Variants in BRINP3 observed in about 807,000 individuals in gnomAD.
BRINP3 encodes BMP/retinoic acid-inducible neural-specific protein 3.
In BRINP3, 19 loss-of-function variants were observed where a neutral mutation model predicts 71.0. The ratio of observed to expected loss-of-function variants is 0.27; its 90% CI spans 0.19 to 0.39. BRINP3 has a LOEUF of 0.39. Among genes scored for constraint, BRINP3 ranks in the 10% least tolerant of loss-of-function variants. The probability of loss-of-function intolerance (pLI) is 1.00; values close to 1 mark genes in which losing one functional copy is unlikely to be tolerated. For synonymous variants in BRINP3, 380 were observed against 337.7 expected, an observed-to-expected ratio of 1.13 and a Z score of -1.37; for missense variants, 959 against 940.8, an observed-to-expected ratio of 1.02 and a Z score of -0.25.
intron 3 of BRINP3, among the ~76,000 whole-genome samples, chr1:190,268,617 T>A (rs1272910863): frequency 6.6e-6 from 1 of 152,122 alleles, no homozygotes; most frequent in Non-Finnish European, 1.5e-5. Flanking sequence ...TTAAACTATG[T>A]TTATTTCGCA....
intron 7 of BRINP3, among the ~76,000 whole-genome samples, chr1:190,138,470 G>C: frequency 6.6e-6 from 1 of 152,164 alleles, no homozygotes; most frequent in East Asian, 1.9e-4. Context: ...TCAGAAAGCA[G>C]GTATGAGTCA....
At chr1:190,143,091 A>C (rs1407036448) in intron 7 of BRINP3, among the ~76,000 whole-genome samples, 1 of 152,202 alleles carries the variant, frequency 6.6e-6, no homozygotes. Flanking sequence ...AAAAAATTAA[A>C]ATGTTTTAAA....
intron 2 of BRINP3, among the ~76,000 whole-genome samples, chr1:190,326,343 A>G (rs2103065554): frequency 6.6e-6 from 1 of 152,264 alleles, no homozygotes; most frequent in African/African-American, 2.4e-5. Flanking sequence ...GAGAAAAAGC[A>G]TATTTGAATA....
At chr1:190,387,823 A>T (rs1207612885) in intron 2 of BRINP3, among the ~76,000 whole-genome samples, 1 of 151,680 alleles carries the variant, frequency 6.6e-6, no homozygotes, top group Non-Finnish European at 1.5e-5. Context: ...ATGACTCACA[A>T]ATTTATATCT....
chr1:190,416,565 T>G (rs1673015384), intron 2 of BRINP3, among the ~76,000 whole-genome samples: 1 of 152,190 alleles, frequency 6.6e-6, no homozygotes, highest in Non-Finnish European at 1.5e-5. Flanking sequence ...GCTTTTATAG[T>G]GTAGTAGGTG....
chr1:190,474,236 T>A (rs189592067), intron 1 of BRINP3, among the ~76,000 whole-genome samples: 5 of 152,332 alleles, frequency 3.3e-5, no homozygotes, highest in African/African-American at 1.2e-4. Context: ...TTAATGCATG[T>A]TAAACATCTA....
intron 2 of BRINP3, among the ~76,000 whole-genome samples, chr1:190,299,876 G>A (rs1265909520): frequency 5.3e-5 from 8 of 151,786 alleles, no homozygotes; most frequent in Non-Finnish European, 1.2e-4. Context: ...TTGAATATTG[G>A]CCCCACTCTC....
chr1:190,176,744 G>A (rs1042126400), intron 6 of BRINP3, among the ~76,000 whole-genome samples: 1 of 152,024 alleles, frequency 6.6e-6, no homozygotes, highest in African/African-American at 2.4e-5. Context: ...GGTTTTAAAT[G>A]AAGACCACAC....
At chr1:190,141,707 G>A (rs1655465629) in intron 7 of BRINP3, among the ~76,000 whole-genome samples, 1 of 151,476 alleles carries the variant, frequency 6.6e-6, no homozygotes. Context: ...TTACAGGCGT[G>A]TGCCATCATG....
At chr1:190,395,215 G>T (rs1671493611) in intron 2 of BRINP3, among the ~76,000 whole-genome samples, 1 of 151,542 alleles carries the variant, frequency 6.6e-6, no homozygotes, top group Non-Finnish European at 1.5e-5. Context: ...ATTTTACTAG[G>T]TAATAACAAG....
chr1:190,199,953 C>T (rs1654855135), intron 6 of BRINP3, among the ~76,000 whole-genome samples: 1 of 152,010 alleles, frequency 6.6e-6, no homozygotes, highest in South Asian at 2.1e-4. Context: ...TCATTTTCTA[C>T]CATTTTTCCC....
rs1667825693 is a variant in BRINP3, at chr1:190,343,771, A to G, written c.237-62021T>C. On this transcript the variant is annotated intron_variant, in intron 2 of 7. Transcript: ENST00000367462. ...TCAATTACACTAATAAGGACAGAAG[A>G]ATCATAATAAAATTATTTTTACTCA... Among the ~76,000 whole-genome samples, 3 of 151,800 alleles carry G rather than the reference A, an allele frequency of 2.0e-5. No homozygotes were observed. In the South Asian group the frequency reaches 6.2e-4, roughly 31 times the overall value.
chr1:190,203,794 T>C (rs1392969638), intron 6 of BRINP3, among the ~76,000 whole-genome samples: 1 of 84,682 alleles, frequency 1.2e-5, no homozygotes, highest in African/African-American at 5.2e-5. Context: ...TATATATATA[T>C]ATATATATAT....
chr1:190,150,443 A>G (rs1044880112), intron 7 of BRINP3, among the ~76,000 whole-genome samples: 3 of 152,186 alleles, frequency 2.0e-5, no homozygotes, highest in Non-Finnish European at 2.9e-5. Context: ...GTGTTACCAA[A>G]TTAGTCATTA....
chr1:190,187,776 T>A (rs1653667306), intron 6 of BRINP3, among the ~76,000 whole-genome samples: 1 of 152,100 alleles, frequency 6.6e-6, no homozygotes, highest in South Asian at 2.1e-4. Context: ...TTCTTTTTTT[T>A]CTACAGCTTT....
At chr1:190,422,248 A>G (rs995766446) in intron 2 of BRINP3, among the ~76,000 whole-genome samples, 1 of 151,854 alleles carries the variant, frequency 6.6e-6, no homozygotes, top group African/African-American at 2.4e-5. Context: ...AAATGTGACC[A>G]ATGATATTAA....
chr1:190,189,605 T>C lies in BRINP3; in HGVS notation c.962-28715A>G, dbSNP rs113147666. 6.6e-5 allele frequency among the ~76,000 whole-genome samples: 10 copies of C among 152,280 alleles called. 1 individual carries two copies. The highest frequency in any genetic ancestry group is 2.4e-4 in the African/African-American group (10 of 41,576). ...TTCAGTTTCAACATTTATGTTTAAC[T>C]TTGTTTTTAATTTAAATCTATTAAA... On this transcript the variant is annotated intron_variant, in intron 6 of 7. Coordinates refer to ENST00000367462, the MANE Select transcript of BRINP3 (RefSeq NM_199051.3).
intron 3 of BRINP3, among the ~76,000 whole-genome samples, chr1:190,270,974 A>G (rs1662061599): frequency 6.6e-6 from 1 of 151,690 alleles, no homozygotes; most frequent in Admixed American, 6.6e-5. Context: ...TGAGTAATAT[A>G]TTAAATTCAA....
At chr1:190,322,591 G>T (rs1055247931) in intron 2 of BRINP3, among the ~76,000 whole-genome samples, 1 of 151,976 alleles carries the variant, frequency 6.6e-6, no homozygotes, top group Non-Finnish European at 1.5e-5. Context: ...CATTGCAAAG[G>T]CCGTGAACTT....
Sources: allele counts gnomAD v4.1 joint callset (sites outside exome capture counted in the v4.1 genomes callset), GRCh38; gene constraint gnomAD v4.1.1; transcripts MANE v1.5; gene names NCBI Gene and HGNC (gene_info 2026-07-23, HGNC 2026-07-21).